Variants in PTRH1 observed in about 807,000 individuals in gnomAD.
PTRH1 encodes the protein peptidyl-tRNA hydrolase 1 homolog, also known as peptidyl-tRNA hydrolase.
A neutral mutation model predicts 15.7 loss-of-function variants in PTRH1; 13 were observed. The observed-to-expected ratio is 0.83, with a 90% CI of 0.54 to 1.31. The LOEUF (loss-of-function observed/expected upper bound fraction) is 1.31. Ranked by LOEUF, PTRH1 falls within the 40% of genes most tolerant of loss-of-function variation. PTRH1 has a pLI of 0.00. For synonymous variants in PTRH1, 139 were observed against 136.7 expected, an observed-to-expected ratio of 1.02 and a Z score of -0.12; for missense variants, 319 against 296.2, an observed-to-expected ratio of 1.08 and a Z score of -0.56.
chr9:127,708,341 G>A (rs1039236490), intron 1 of PTRH1, among the ~76,000 whole-genome samples: 3 of 152,124 alleles, frequency 2.0e-5, no homozygotes, highest in African/African-American at 7.2e-5. Context: ...GCTGGGCATG[G>A]TGGCGGGCGC....
downstream of PTRH1, among the ~76,000 whole-genome samples, chr9:127,710,191 C>A (rs1170540133): frequency 6.7e-6 from 1 of 150,172 alleles, no homozygotes; most frequent in Non-Finnish European, 1.5e-5. Context: ...GGGAGGATCT[C>A]TTGAGCCTGG....
At chr9:127,711,559 C>A, downstream of PTRH1, 1 of 1,567,558 alleles carries the variant, frequency 6.4e-7, no homozygotes, top group Non-Finnish European at 8.6e-7. Flanking sequence ...CCCTGGGGGC[C>A]CTGCAGGGGT....
At chr9:127,707,049 T>G in intron 1 of PTRH1, 1 of 1,612,522 alleles carries the variant, frequency 6.2e-7, no homozygotes, top group Non-Finnish European at 8.5e-7. Context: ...CCAAAAAGAG[T>G]GTGAGCAAGG....
At chr9:127,712,292 G>A (rs747673592), downstream of PTRH1, 1 of 1,614,066 alleles carries the variant, frequency 6.2e-7, no homozygotes, top group Non-Finnish European at 8.5e-7. Context: ...AGAAGGTTCG[G>A]GCCAGCCTGG....
At chr9:127,712,721 G>A, downstream of PTRH1, 1 of 1,614,162 alleles carries the variant, frequency 6.2e-7, no homozygotes. Flanking sequence ...GCACCGCGAT[G>A]AAGAGGACAG....
downstream of PTRH1, chr9:127,711,354 T>A: frequency 6.2e-7 from 1 of 1,614,170 alleles, no homozygotes; most frequent in Middle Eastern, 1.6e-4. Context: ...ACCCTGCAGA[T>A]GGCCAGGGTC....
At chr9:127,708,977 C>G (rs1252193756), downstream of PTRH1, among the ~76,000 whole-genome samples, 1 of 152,248 alleles carries the variant, frequency 6.6e-6, no homozygotes, top group African/African-American at 2.4e-5. Context: ...CAGACTGATT[C>G]AGGTTCAAGT....
At chr9:127,713,661 C>A, downstream of PTRH1, 2 of 525,848 alleles carry the variant, frequency 3.8e-6, no homozygotes, top group Non-Finnish European at 6.9e-6. Context: ...CATGCACCAC[C>A]ATGCCTGGCT....
intron 2 of PTRH1, 63 bp downstream of exon 2, chr9:127,714,912 G>GGCC: frequency 1.3e-4 from 102 of 766,186 alleles, no homozygotes; most frequent in East Asian, 1.1e-4. Flanking sequence ...CTCCCCTCTG[G>GGCC]CCCCCGCGCC....
chr9:127,714,319 G>A lies in PTRH1; in HGVS notation c.463-37C>T, dbSNP rs148037738. ...CCAGAGAGGCCCAGGAAGCTTTGGC[G>A]AGGTGCTGGGGGACCCCTGGCCCAC... On this transcript the variant is annotated intron_variant, in intron 4 of 4. Transcript: ENST00000543175. 1,837 of 1,614,088 alleles carry A rather than the reference G, an allele frequency of 1.1e-3. 10 individuals are homozygous for A. The East Asian group carries it at 0.02, about 17-fold the overall frequency.
At chr9:127,703,272 C>T (rs1285789851) in intron 1 of PTRH1, among the ~76,000 whole-genome samples, 1 of 151,766 alleles carries the variant, frequency 6.6e-6, no homozygotes, top group Admixed American at 6.6e-5. Flanking sequence ...ATGGTGAAAC[C>T]TCATCTCTAC....
downstream of PTRH1, chr9:127,713,187 G>A (rs760863384): frequency 1.5e-5 from 24 of 1,559,494 alleles, no homozygotes; most frequent in African/African-American, 6.8e-5. Context: ...GGGACCTTCC[G>A]GGCACACAGC....
chr9:127,713,401 A>AG (rs1842815081), downstream of PTRH1: 2 of 396,834 alleles, frequency 5.0e-6, no homozygotes, highest in Non-Finnish European at 4.4e-6. Context: ...ATGCCCTGGG[A>AG]GGGGGGTTGG....
downstream of PTRH1, chr9:127,711,899 G>A (rs1385752828): frequency 6.2e-7 from 1 of 1,601,098 alleles, no homozygotes; most frequent in African/African-American, 1.3e-5. Flanking sequence ...CTCCTGCTGA[G>A]CCAGTTGGAG....
At chr9:127,696,945 C>G (rs1291384192) in intron 1 of PTRH1, among the ~76,000 whole-genome samples, 1 of 151,980 alleles carries the variant, frequency 6.6e-6, no homozygotes, top group African/African-American at 2.4e-5. Flanking sequence ...TAGGCTGGAA[C>G]AAATGACTCT....
At position 127,715,426 on chromosome 9, in the gene PTRH1, T is replaced by C; in HGVS notation, c.96+118A>G. On this transcript the variant is annotated intron_variant, in intron 1 of 4. Coordinates refer to ENST00000543175, the MANE Select transcript of PTRH1 (RefSeq NM_001002913.3). This position sits in a 1 kb window ranked among gnomAD's most constrained non-coding sequence, Gnocchi z 5.8. ...AAGAAGTTTGGAGCCCGTCGAGCAC[T>C]GAACTCACCAGTTAAGAAAACAGAG... 1 of 1,446,654 alleles carries C rather than the reference T, an allele frequency of 6.9e-7. No homozygotes were observed. Among genetic ancestry groups the C allele is most frequent in the Non-Finnish European group, 9.5e-7 (1 of 1,052,354 alleles). The allele number at this position is 1,446,654 out of a possible 1,614,324, so 89.6% of individuals were successfully genotyped here.
rs1327854092 is a variant in PTRH1, at chr9:127,715,191, C to A, written c.100G>T (p.Ala34Ser). 2.0e-6 allele frequency: 3 copies of A among 1,525,922 alleles called. No homozygotes were observed. Among genetic ancestry groups the A allele is most frequent in the Admixed American group, 2.0e-5 (1 of 49,722 alleles). 94.5% of individuals were successfully genotyped at this position (1,525,922 alleles called of 1,614,324 possible). A position where few individuals can be genotyped will look rare whatever the true frequency, so the allele number is the denominator to read the frequency against. Residue 34 changes from alanine (A) to serine (S), a missense_variant, in exon 2 of 5, where the codon GCT becomes TCT. By Grantham distance (99) the Ala-to-Ser change is moderately conservative. Transcript: ENST00000543175. The surrounding 1 kb of genome is among the most constrained non-coding windows in gnomAD (Gnocchi z 5.8). The stretch of plus-strand genomic sequence containing the variant: ...GGCAGTCCGGGATTCCCCAGGCCAG[C>A]CACCTGCGGGCGGCACCAGGGAAAC... ...PRPPGKRWMV[A>S]GLGNPGLPGT...
At chr9:127,711,208 C>G, downstream of PTRH1, 1 of 1,610,702 alleles carries the variant, frequency 6.2e-7, no homozygotes, top group Non-Finnish European at 8.5e-7. Context: ...TGACCCCTTC[C>G]CCTCCCACCT....
Position 127,714,404 on chromosome 9 carries a change from G to A in PTRH1, c.437C>T (p.Ser146Phe), listed in dbSNP as rs1313206952. The change falls in exon 4 of 5, where the codon TCC (serine) becomes TTC (phenylalanine). Residue 146 changes from serine to phenylalanine, a missense_variant. Ser to Phe is a radical substitution (Grantham distance 155). Transcript: ENST00000543175. ...ATTGGAGTTGAGGCAGCTAATGCAG[G>A]AACGGACTCCATTGTGGCCCCTTCA... ...GSARGHNGVR[S>F]CISCLNSNAM... is the part of the protein sequence containing the mutation. The A allele has an allele frequency of 4.3e-6, 7 of 1,614,112 alleles. No homozygotes were observed. In the African/African-American group the frequency reaches 6.7e-5, roughly 15 times the overall value.
Sources: allele counts gnomAD v4.1 joint callset (sites outside exome capture counted in the v4.1 genomes callset), GRCh38; gene constraint gnomAD v4.1.1; non-coding constraint Gnocchi (gnomAD v3.1); transcripts MANE v1.5; gene names NCBI Gene and HGNC (gene_info 2026-07-23, HGNC 2026-07-21).